Variants in NOTCH2NLC observed in about 807,000 individuals in gnomAD.
NOTCH2NLC encodes the protein notch 2 N-terminal like C, also known as notch homolog 2 N-terminal-like protein C.
In NOTCH2NLC, 4 loss-of-function variants were observed where a neutral mutation model predicts 17.7. That is an observed-to-expected ratio of 0.23 (90% confidence interval 0.11 to 0.52). The LOEUF is 0.52. NOTCH2NLC is among the 20% of genes least tolerant of loss of function. The pLI, the probability that NOTCH2NLC is intolerant of heterozygous loss-of-function variation, is 0.96. For synonymous variants in NOTCH2NLC, 18 were observed against 86.0 expected (o/e 0.21, Z 4.38); for missense variants, 57 against 207.2 (o/e 0.28, Z 4.45).
rs1234013046 is a variant in NOTCH2NLC at position 149,471,821 on chromosome 1, G to A, written c.*7668G>A. Reference sequence around the variant, plus strand: ...CTAATAATAACAGTAATAAAGCAAGGTGTCTTTCCACATCTCCATGCCTTG... The same window carrying A: ...CTAATAATAACAGTAATAAAGCAAGATGTCTTTCCACATCTCCATGCCTTG... On this transcript the variant is annotated 3_prime_UTR_variant, in exon 5 of 5. Transcript: ENST00000650865. 4.3e-5 allele frequency among the ~76,000 whole-genome samples: 6 copies of A among 140,190 alleles called. No individual in the cohort carries two copies. The highest frequency in any genetic ancestry group is 1.1e-4 in the African/African-American group (4 of 37,456). The allele number at this position is 140,190 out of a possible 152,430, so 92.0% of individuals were successfully genotyped here. A position where few individuals can be genotyped will look rare whatever the true frequency, so the allele number is the denominator to read the frequency against.
intron 1 of NOTCH2NLC, among the ~76,000 whole-genome samples, chr1:149,393,069 CAAAAAA>C (rs1158506660): frequency 0.075 from 3,231 of 42,856 alleles, 157 homozygotes; most frequent in East Asian, 0.36. Flanking sequence ...GACTCCGTCT[CAAAAAA>C]AAAAAAAAAA....
At chr1:149,446,463 A>G (rs1382143583) in intron 2 of NOTCH2NLC, among the ~76,000 whole-genome samples, 2 of 142,746 alleles carry the variant, frequency 1.4e-5, no homozygotes, top group Admixed American at 7.0e-5. Context: ...AACAGTAACA[A>G]TGGAAATGTG....
At chr1:149,416,771 T>C (rs1174050581) in intron 1 of NOTCH2NLC, among the ~76,000 whole-genome samples, 2 of 150,018 alleles carry the variant, frequency 1.3e-5, no homozygotes, top group African/African-American at 2.4e-5. Context: ...TAGTGTAGTA[T>C]GTTGAATCCT....
rs1281702480 is a variant in NOTCH2NLC, at chr1:149,471,240, A to G, written c.*7087A>G. ...AAATACAAGTCTCTTATCAGATAAT[A>G]TGACTTGCAGATATTTTCTGTCATT... On this transcript the variant is annotated 3_prime_UTR_variant, in exon 5 of 5. Coordinates refer to ENST00000650865, the MANE Select transcript of NOTCH2NLC (RefSeq NM_001364013.2). Among the ~76,000 whole-genome samples, 11 of 151,328 alleles carry G rather than the reference A, an allele frequency of 7.3e-5. 1 individual carries two copies. Among genetic ancestry groups the G allele is most frequent in the South Asian group, 2.1e-4 (1 of 4,788 alleles).
intron 2 of NOTCH2NLC, among the ~76,000 whole-genome samples, chr1:149,449,512 A>G (rs1433297241): frequency 6.7e-6 from 1 of 148,668 alleles, no homozygotes; most frequent in African/African-American, 2.5e-5. Flanking sequence ...AAAGGCCCAC[A>G]TAACTATCTT....
At chr1:149,449,307 A>G (rs1419384819) in intron 2 of NOTCH2NLC, among the ~76,000 whole-genome samples, 1 of 150,264 alleles carries the variant, frequency 6.7e-6, no homozygotes, top group Non-Finnish European at 1.5e-5. Context: ...TATACAATAC[A>G]TAGTTAAGTA....
intron 1 of NOTCH2NLC, among the ~76,000 whole-genome samples, chr1:149,400,140 T>TATATATATATATATATA (rs1177183791): frequency 1.6e-5 from 2 of 124,204 alleles, no homozygotes; most frequent in Admixed American, 7.9e-5. Context: ...ATAATATATA[T>TATATATATATATATATA]TTTTTTTTTA....
intron 3 of NOTCH2NLC, among the ~76,000 whole-genome samples, chr1:149,462,227 C>T (rs1570923089): frequency 6.8e-6 from 1 of 146,702 alleles, no homozygotes; most frequent in East Asian, 2.0e-4. Context: ...CATGTGAATA[C>T]CAAATTTACT....
Position 149,416,626 on chromosome 1 carries a change from T to G in NOTCH2NLC, c.136-14316T>G, listed in dbSNP as rs1385832152. The stretch of plus-strand genomic sequence containing the variant: ...CTGGTTCCATCTCTAACTCCATAAT[T>G]TCCTTTTGCTCCTGTGTTGCTACTC... On this transcript the variant is annotated intron_variant, in intron 1 of 4. Transcript: ENST00000650865. Among the ~76,000 whole-genome samples, 36 of 125,570 alleles carry G rather than the reference T, an allele frequency of 2.9e-4. No homozygotes were observed. The South Asian group carries it at 9.3e-3, about 32-fold the overall frequency. 82.4% of individuals were successfully genotyped at this position (125,570 alleles called of 152,430 possible). A position where few individuals can be genotyped will look rare whatever the true frequency, so the allele number is the denominator to read the frequency against.
chr1:149,445,713 A>G (rs1356018851), intron 2 of NOTCH2NLC, among the ~76,000 whole-genome samples: 3 of 150,366 alleles, frequency 2.0e-5, no homozygotes, highest in Non-Finnish European at 3.0e-5. Flanking sequence ...AATGAGGAGC[A>G]GCTGCAGTGC....
intron 2 of NOTCH2NLC, among the ~76,000 whole-genome samples, chr1:149,448,843 T>C (rs1282339840): frequency 2.1e-5 from 3 of 143,436 alleles, no homozygotes; most frequent in Non-Finnish European, 4.6e-5. Flanking sequence ...TAGAGTCTAC[T>C]TGGGTTTGAA....
chr1:149,402,210 G>A (rs1482031785), intron 1 of NOTCH2NLC, among the ~76,000 whole-genome samples: 4 of 150,510 alleles, frequency 2.7e-5, no homozygotes, highest in Non-Finnish European at 4.5e-5. Flanking sequence ...CTCCCGAGTA[G>A]CTGGAATTAC....
chr1:149,401,851 T>C (rs1312238696), intron 1 of NOTCH2NLC, among the ~76,000 whole-genome samples: 21 of 97,076 alleles, frequency 2.2e-4, no homozygotes, highest in African/African-American at 8.5e-4. Context: ...AGATATTGTT[T>C]GGAAGGACCA....
intron 1 of NOTCH2NLC, among the ~76,000 whole-genome samples, chr1:149,419,007 CCT>C (rs1159827849): frequency 5.4e-5 from 8 of 149,294 alleles, no homozygotes; most frequent in African/African-American, 2.0e-4. Flanking sequence ...TTGCTTCCTT[CCT>C]CTCTCTTTCC....
rs2084719151 is a variant in NOTCH2NLC, at chr1:149,471,433, A to G, written c.*7280A>G. Among the ~76,000 whole-genome samples, 1 of 150,312 alleles carries G rather than the reference A, an allele frequency of 6.7e-6. No homozygotes were observed. The highest frequency in any genetic ancestry group is 6.7e-5 in the Admixed American group (1 of 15,022). ...GATTTACTACTTCTAAGTGATTTATAATTTTACCACCTACCTTTAGGTCTC... is the reference window on the plus strand; with the variant it reads ...GATTTACTACTTCTAAGTGATTTATGATTTTACCACCTACCTTTAGGTCTC... On this transcript the variant is annotated 3_prime_UTR_variant, in exon 5 of 5. Transcript: ENST00000650865.
intron 1 of NOTCH2NLC, among the ~76,000 whole-genome samples, chr1:149,424,380 T>C (rs2084399506): frequency 6.7e-6 from 1 of 149,872 alleles, no homozygotes; most frequent in African/African-American, 2.5e-5. Flanking sequence ...GTATTTATCT[T>C]AGAGTCATTT....
chr1:149,399,169 C>T (rs2084229323), intron 1 of NOTCH2NLC, among the ~76,000 whole-genome samples: 1 of 151,046 alleles, frequency 6.6e-6, no homozygotes, highest in African/African-American at 2.4e-5. Context: ...AAATAAACTG[C>T]CTTGTTCTGA....
chr1:149,394,837 C>T (rs1416168401), intron 1 of NOTCH2NLC, among the ~76,000 whole-genome samples: 1 of 150,856 alleles, frequency 6.6e-6, no homozygotes, highest in Non-Finnish European at 1.5e-5. Flanking sequence ...GACTTGAAAC[C>T]AAAAGGTCTT....
intron 1 of NOTCH2NLC, among the ~76,000 whole-genome samples, chr1:149,427,533 C>T (rs1346103500): frequency 1.4e-5 from 1 of 71,418 alleles, no homozygotes; most frequent in African/African-American, 5.8e-5. Context: ...GAGTCTCTCT[C>T]TGTCACTCAG....
Sources: gnomAD v4.1 joint callset for allele counts (sites outside exome capture counted in the v4.1 genomes callset) on GRCh38, gnomAD v4.1.1 for gene constraint, MANE v1.5 for transcripts, NCBI Gene and HGNC (gene_info 2026-07-23, HGNC 2026-07-21) for gene names.